DEPTOR: variants seen among roughly 807,000 people sequenced by gnomAD.
The protein encoded by DEPTOR is DEP domain-containing mTOR-interacting protein.
Under a neutral mutation model 41.6 loss-of-function variants are expected in DEPTOR, and 41 were observed. The ratio of observed to expected loss-of-function variants is 0.98; its 90% CI spans 0.77 to 1.28. The LOEUF is 1.28. Among genes scored for constraint, DEPTOR ranks in the 50% most tolerant of loss-of-function variants. DEPTOR has a pLI of 0.00. For synonymous variants in DEPTOR, 195 were observed against 192.3 expected (o/e 1.01, Z -0.12); for missense variants, 514 against 527.9 (o/e 0.97, Z 0.26).
At chr8:120,032,721 A>C (rs1170190734) in intron 8 of DEPTOR, among the ~76,000 whole-genome samples, 2 of 152,152 alleles carry the variant, frequency 1.3e-5, no homozygotes, top group African/African-American at 4.8e-5. Context: ...TCTACCTCTC[A>C]CTACATTTAA....
At chr8:119,908,481 G>C (rs1209784126) in intron 1 of DEPTOR, among the ~76,000 whole-genome samples, 1 of 151,388 alleles carries the variant, frequency 6.6e-6, no homozygotes, top group East Asian at 1.9e-4. Context: ...GTGTTTCCAT[G>C]ACTTCTGTGA....
At chr8:120,036,109 A>C (rs1337606541) in intron 8 of DEPTOR, among the ~76,000 whole-genome samples, 1 of 152,166 alleles carries the variant, frequency 6.6e-6, no homozygotes. Flanking sequence ...GTACACCACA[A>C]TCACCCTGTG....
At chr8:119,953,040 A>C (rs1286471927) in intron 3 of DEPTOR, among the ~76,000 whole-genome samples, 1 of 152,242 alleles carries the variant, frequency 6.6e-6, no homozygotes, top group Non-Finnish European at 1.5e-5. Context: ...CATGTGCTCT[A>C]TAGACAATAG....
chr8:120,025,294 G>A (rs1812781471), intron 8 of DEPTOR, among the ~76,000 whole-genome samples: 2 of 152,180 alleles, frequency 1.3e-5, no homozygotes, highest in Admixed American at 1.3e-4. Flanking sequence ...GATGAAGACT[G>A]TAAAGTCAAG....
intron 3 of DEPTOR, among the ~76,000 whole-genome samples, chr8:119,932,564 C>G (rs577146499): frequency 6.6e-6 from 1 of 152,154 alleles, no homozygotes; most frequent in African/African-American, 2.4e-5. Flanking sequence ...TGCATTAATG[C>G]ATTAATTATT....
At chr8:120,030,497 G>GTTTGTTTTTTTTTTTTTTTTTTTTT (rs1207108457) in intron 8 of DEPTOR, among the ~76,000 whole-genome samples, 5 of 46,216 alleles carry the variant, frequency 1.1e-4, no homozygotes, top group South Asian at 1.2e-3. Flanking sequence ...AGGTTCATCA[G>GTTTGTTTTTTTTTTTTTTTTTTTTT]TTTTTTTTTT....
intron 4 of DEPTOR, among the ~76,000 whole-genome samples, chr8:119,985,886 A>G (rs530650835): frequency 1.4e-5 from 1 of 72,420 alleles, no homozygotes; most frequent in Admixed American, 2.2e-4. Context: ...CTTGGTAAAT[A>G]TTCCTCCATC....
At chr8:119,923,897 T>C (rs1827930709) in intron 1 of DEPTOR, among the ~76,000 whole-genome samples, 1 of 150,216 alleles carries the variant, frequency 6.7e-6, no homozygotes, top group African/African-American at 2.5e-5. Flanking sequence ...TTCTTTCTTT[T>C]TTTTTTTTGG....
Position 119,928,393 on chromosome 8 carries a change from C to T in DEPTOR, c.123-7C>T. The stretch of plus-strand genomic sequence containing the variant: ...ATTTCCAAAGTAATTGCTAATTTTT[C>T]TTTCAGGCTCAGGCTGCACGAAGAA... On this transcript the variant is annotated splice_region_variant and splice_polypyrimidine_tract_variant and intron_variant, in intron 1 of 8. Transcript: ENST00000286234. 1 of 1,603,100 alleles carries T rather than the reference C, an allele frequency of 6.2e-7. No individual in the cohort carries two copies. The highest frequency in any genetic ancestry group is 8.5e-7 in the Non-Finnish European group (1 of 1,175,530).
At chr8:119,988,957 T>C (rs1330454257) in intron 4 of DEPTOR, among the ~76,000 whole-genome samples, 1 of 123,596 alleles carries the variant, frequency 8.1e-6, no homozygotes, top group African/African-American at 2.7e-5. Context: ...CTTTTTTTTT[T>C]CTTTTTTTTT....
At chr8:119,979,530 T>C (rs1356173013) in intron 4 of DEPTOR, among the ~76,000 whole-genome samples, 2 of 152,136 alleles carry the variant, frequency 1.3e-5, no homozygotes, top group East Asian at 3.9e-4. Flanking sequence ...CCTAAAGTGC[T>C]GGAATTACAG....
At chr8:119,951,165 ACTC>A (rs763570166) in intron 3 of DEPTOR, among the ~76,000 whole-genome samples, 11 of 151,236 alleles carry the variant, frequency 7.3e-5, no homozygotes, top group Admixed American at 4.6e-4. Context: ...ATCTTTATTT[ACTC>A]CTCCTTTCTT....
At chr8:119,958,949 C>T (rs964910186) in intron 3 of DEPTOR, among the ~76,000 whole-genome samples, 1 of 152,078 alleles carries the variant, frequency 6.6e-6, no homozygotes, top group African/African-American at 2.4e-5. Context: ...CTACTGTGTC[C>T]ATCTTTGCAT....
intron 1 of DEPTOR, among the ~76,000 whole-genome samples, chr8:119,881,060 G>C (rs1427985830): frequency 6.6e-6 from 1 of 152,214 alleles, no homozygotes; most frequent in Non-Finnish European, 1.5e-5. Context: ...TAAGTTGGAG[G>C]AAATGCAGTT....
At chr8:119,931,126 G>A (rs540839689) in intron 3 of DEPTOR, among the ~76,000 whole-genome samples, 15 of 152,090 alleles carry the variant, frequency 9.9e-5, no homozygotes, top group South Asian at 2.1e-4. Context: ...TACGAGAATC[G>A]CTTGAAACCA....
At chr8:120,000,123 AT>A (rs550684095) in intron 4 of DEPTOR, among the ~76,000 whole-genome samples, 245 of 152,130 alleles carry the variant, frequency 1.6e-3, no homozygotes, top group African/African-American at 5.4e-3. Context: ...CTCTTTGCCG[AT>A]TTTTTTTAAC....
chr8:119,928,303 C>A, intron 1 of DEPTOR, 97 bp from the exon 2 acceptor site: 1 of 1,304,836 alleles, frequency 7.7e-7, no homozygotes, highest in East Asian at 2.4e-5. Flanking sequence ...CACCTTCATG[C>A]CTTTAGAACT....
chr8:119,956,878 G>A (rs756807371), intron 3 of DEPTOR, among the ~76,000 whole-genome samples: 20 of 151,874 alleles, frequency 1.3e-4, no homozygotes, highest in Non-Finnish European at 2.6e-4. Context: ...GGGATTATAG[G>A]CACCCACCAC....
intron 3 of DEPTOR, among the ~76,000 whole-genome samples, chr8:119,952,609 T>C (rs1331731143): frequency 1.3e-5 from 2 of 152,194 alleles, no homozygotes; most frequent in Non-Finnish European, 2.9e-5. Flanking sequence ...GTATGTGTTG[T>C]TCCCCCCGGG....
Sources: allele counts gnomAD v4.1 joint callset (sites outside exome capture counted in the v4.1 genomes callset), GRCh38; gene constraint gnomAD v4.1.1; transcripts MANE v1.5; gene names NCBI Gene and HGNC (gene_info 2026-07-23, HGNC 2026-07-21).